TTI1: variants seen among roughly 807,000 people sequenced by gnomAD.
TTI1 encodes TELO2 interacting protein 1.
In TTI1, 52 loss-of-function variants were observed where a neutral mutation model predicts 85.4. The observed-to-expected ratio is 0.61, with a 90% CI of 0.49 to 0.77. TTI1 has a LOEUF of 0.77. Ranked by LOEUF, TTI1 falls within the 30% of genes least tolerant of loss-of-function variation. TTI1 has a pLI of 0.00. For synonymous variants in TTI1, 512 were observed against 503.9 expected, an observed-to-expected ratio of 1.02 and a Z score of -0.22; for missense variants, 1,173 against 1,296.0, an observed-to-expected ratio of 0.91 and a Z score of 1.46.
chr20:38,029,398 C>T (rs1349456197), intron 1 of TTI1, among the ~76,000 whole-genome samples: 1 of 151,684 alleles, frequency 6.6e-6, no homozygotes, highest in Non-Finnish European at 1.5e-5. Flanking sequence ...ACCACAAGAA[C>T]CTAGACAAAG....
intron 1 of TTI1, among the ~76,000 whole-genome samples, chr20:38,015,213 T>C (rs543868796): frequency 6.6e-6 from 1 of 152,112 alleles, no homozygotes; most frequent in Middle Eastern, 3.2e-3. Context: ...AATTTCCCCA[T>C]GGAGAGACTC....
At chr20:38,028,602 G>A (rs1174919480) in intron 1 of TTI1, among the ~76,000 whole-genome samples, 1 of 152,158 alleles carries the variant, frequency 6.6e-6, no homozygotes, top group African/African-American at 2.4e-5. Flanking sequence ...AGGATAACTA[G>A]ACCAAAAATC....
At chr20:38,008,743 TAGATAATTCTATGACAAAC>T (rs2073537399) in intron 2 of TTI1, among the ~76,000 whole-genome samples, 1 of 152,220 alleles carries the variant, frequency 6.6e-6, no homozygotes, top group South Asian at 2.1e-4. Context: ...GGACGTCAGT[TAGATAATTCTATGACAAAC>T]AGAAATGACA....
At position 37,996,371 on chromosome 20, in the gene TTI1, G is replaced by T; in HGVS notation, c.3086+4C>A. 1 of 1,613,976 alleles carries T rather than the reference G, an allele frequency of 6.2e-7. No individual in the cohort carries two copies. Among genetic ancestry groups the T allele is most frequent in the Non-Finnish European group, 8.5e-7 (1 of 1,179,926 alleles). ...AAGGGATGCGGGTGATCAGGCAGAC[G>T]TACCTCCTGGCAGCCTCTTGTAATT... On this transcript the variant is annotated splice_donor_region_variant and intron_variant, in intron 7 of 7. Coordinates refer to ENST00000373447, the MANE Select transcript of TTI1 (RefSeq NM_001303457.2).
rs772083686 is a variant in TTI1, at chr20:38,011,864, T to G, written c.1953A>C (p.Ser651=). Residue 651 remains serine (S), a synonymous_variant, in exon 2 of 8, where the codon TCA becomes TCC. Transcript: ENST00000373447. ...LGKDFCLLLM[S]ALYPVLEKAG... is the part of the protein sequence containing the mutation. ...CCTTCTCCAGTACTGGATAAAGGGC[T>G]GACATCAAGAGCAAACAGAAGTCTT... 1 of 1,614,232 alleles carries G rather than the reference T, an allele frequency of 6.2e-7. No individual in the cohort carries two copies. Among genetic ancestry groups the G allele is most frequent in the Non-Finnish European group, 8.5e-7 (1 of 1,180,040 alleles).
intron 4 of TTI1, among the ~76,000 whole-genome samples, chr20:38,000,719 G>A (rs1267368143): frequency 1.3e-5 from 2 of 152,238 alleles, no homozygotes; most frequent in African/African-American, 4.8e-5. Context: ...GGGATCAGGG[G>A]AGCAGAGTGG....
At chr20:38,006,087 G>A (rs1207407382) in intron 3 of TTI1, 110 bp downstream of exon 3, 52 of 1,231,002 alleles carry the variant, frequency 4.2e-5, no homozygotes, top group African/African-American at 6.0e-5. Context: ...GCCTGGTAAG[G>A]TTATGAGTAA....
chr20:38,026,476 T>C (rs1388420856), intron 1 of TTI1, among the ~76,000 whole-genome samples: 1 of 152,116 alleles, frequency 6.6e-6, no homozygotes, highest in Non-Finnish European at 1.5e-5. Flanking sequence ...ACAATTCTAA[T>C]GACAATCTCA....
Position 38,011,844 on chromosome 20 carries a change from T to G in TTI1, c.1973A>C (p.Glu658Ala), listed in dbSNP as rs745624497. ...GAGTAGGGTTTGGTCTCCAGCCTTC[T>G]CCAGTACTGGATAAAGGGCTGACAT... is the stretch of plus-strand genomic sequence containing the variant. ...LLMSALYPVL[E>A]KAGDQTLLIS... is the part of the protein sequence containing the mutation. Residue 658 changes from glutamate (E) to alanine (A), a missense_variant, in exon 2 of 8, where the codon GAG becomes GCG. By Grantham distance (107) the Glu-to-Ala change is moderately radical (BLOSUM62 -1). Transcript: ENST00000373447. 5 of 1,614,220 alleles carry G rather than the reference T, an allele frequency of 3.1e-6. No individual in the cohort carries two copies. The highest frequency in any genetic ancestry group is 1.6e-4 in the Middle Eastern group (1 of 6,062).
At chr20:37,989,871 G>A (rs1422969391) in intron 7 of TTI1, among the ~76,000 whole-genome samples, 1 of 152,224 alleles carries the variant, frequency 6.6e-6, no homozygotes, top group Non-Finnish European at 1.5e-5. Flanking sequence ...TCTAGGAAAT[G>A]TCCTTCTGTA....
chr20:38,012,724 C>G lies in TTI1; in HGVS notation c.1093G>C (p.Val365Leu). The G allele has an allele frequency of 6.2e-7, 1 of 1,614,186 alleles. No individual in the cohort carries two copies. The highest frequency in any genetic ancestry group is 1.3e-5 in the African/African-American group (1 of 75,024). Residue 365 changes from valine (V) to leucine (L), a missense_variant, in exon 2 of 8, where the codon GTG (valine) becomes CTG (leucine). Transcript: ENST00000373447. ...LRHFADQKVV[V>L]GNKALADILS... Reference sequence around the variant, plus strand: ...ATGTCAGCGAGGGCTTTGTTGCCCACCACTACTTTTTGATCTGCAAAATGT... The same window carrying G: ...ATGTCAGCGAGGGCTTTGTTGCCCAGCACTACTTTTTGATCTGCAAAATGT...
chr20:38,025,148 A>G (rs1276841339), intron 1 of TTI1, among the ~76,000 whole-genome samples: 1 of 152,236 alleles, frequency 6.6e-6, no homozygotes, highest in African/African-American at 2.4e-5. Context: ...TAGTCTAAAC[A>G]TTAGACTAAA....
chr20:37,995,345 G>C (rs1473986626), intron 7 of TTI1, among the ~76,000 whole-genome samples: 1 of 152,228 alleles, frequency 6.6e-6, no homozygotes, highest in African/African-American at 2.4e-5. Flanking sequence ...GGTTTCTAAG[G>C]AGCAAGCTGG....
At position 37,983,034 on chromosome 20, in the gene TTI1, AG is replaced by A. The variant is rs1326849790; in HGVS notation, c.*421del. ...AGCTTTTGATCATACTTTTCATCCA[AG>A]AAGTGTCTTTATTTCCGTTTGTTTC... is the stretch of plus-strand genomic sequence containing the variant. On this transcript the variant is annotated 3_prime_UTR_variant, in exon 8 of 8. Coordinates refer to ENST00000373447, the MANE Select transcript of TTI1 (RefSeq NM_001303457.2). The A allele has an allele frequency of 6.4e-6, 1 of 156,850 alleles. No homozygotes were observed. The highest frequency in any genetic ancestry group is 1.4e-5 in the Non-Finnish European group (1 of 70,724). The allele number at this position is 156,850 out of a possible 1,614,324, so 9.7% of individuals were successfully genotyped here.
chr20:38,021,395 C>T (rs967929674), intron 1 of TTI1, among the ~76,000 whole-genome samples: 6 of 152,074 alleles, frequency 3.9e-5, no homozygotes, highest in South Asian at 2.1e-4. Context: ...CTTAGGAATC[C>T]TACATTCTAT....
chr20:38,013,069 C>T lies in TTI1; in HGVS notation c.748G>A (p.Glu250Lys), dbSNP rs141259940. ...ACCTTTGAGATTCTTTTGAGCTGTTCATCAGCCATAATGAAGCTCACTGTC... is the reference window on the plus strand; with the variant it reads ...ACCTTTGAGATTCTTTTGAGCTGTTTATCAGCCATAATGAAGCTCACTGTC... ...YKTVSFIMAD[E>K]QLKRISKVQA... is the part of the protein sequence containing the mutation. The change falls in exon 2 of 8, where the codon GAA (glutamate) becomes AAA (lysine). Residue 250 changes from glutamate to lysine, a missense_variant. By Grantham distance (56) the Glu-to-Lys change is moderately conservative. Coordinates refer to ENST00000373447, the MANE Select transcript of TTI1 (RefSeq NM_001303457.2). 537 of 1,614,182 alleles carry T rather than the reference C, an allele frequency of 3.3e-4. 3 individuals carry two copies. In the Middle Eastern group the frequency reaches 9.6e-3, roughly 29 times the overall value.
chr20:38,022,020 G>C (rs190904353), intron 1 of TTI1, among the ~76,000 whole-genome samples: 23 of 152,296 alleles, frequency 1.5e-4, no homozygotes, highest in Non-Finnish European at 3.1e-4. Flanking sequence ...TGTTGAGCTG[G>C]GGTACTATAC....
At chr20:37,998,521 C>T (rs567594624) in intron 5 of TTI1, among the ~76,000 whole-genome samples, 2 of 152,056 alleles carry the variant, frequency 1.3e-5, no homozygotes, top group Non-Finnish European at 2.9e-5. Context: ...CTTTTTAGAA[C>T]AAGAAAGGAT....
intron 5 of TTI1, among the ~76,000 whole-genome samples, 184 bp downstream of exon 5, chr20:37,999,004 A>G (rs918008208): frequency 9.9e-5 from 15 of 152,184 alleles, no homozygotes; most frequent in African/African-American, 3.4e-4. Context: ...CTACTAGTTC[A>G]TCTGCTTCAA....
Sources: allele counts gnomAD v4.1 joint callset (sites outside exome capture counted in the v4.1 genomes callset), GRCh38; gene constraint gnomAD v4.1.1; transcripts MANE v1.5; gene names NCBI Gene and HGNC (gene_info 2026-07-23, HGNC 2026-07-21).